Variants in GALNT18 observed in about 807,000 individuals in gnomAD.
GALNT18 encodes the protein polypeptide N-acetylgalactosaminyltransferase 18.
GALNT18 carries 44 observed loss-of-function variants against 69.5 expected under a neutral mutation model. The ratio of observed to expected loss-of-function variants is 0.63; its 90% CI spans 0.50 to 0.81. The LOEUF (loss-of-function observed/expected upper bound fraction) is 0.81. Ranked by LOEUF, GALNT18 falls within the 40% of genes least tolerant of loss-of-function variation. The pLI is 0.00. For synonymous variants in GALNT18, 364 were observed against 318.2 expected (o/e 1.14, Z -1.53); for missense variants, 715 against 810.0 (o/e 0.88, Z 1.42).
chr11:11,539,394 C>T (rs1660380102), intron 1 of GALNT18, among the ~76,000 whole-genome samples: 1 of 152,198 alleles, frequency 6.6e-6, no homozygotes, highest in African/African-American at 2.4e-5. Context: ...AGCCCAGAGG[C>T]CTCTCCTGAA....
chr11:11,425,418 G>C (rs1284668093), intron 3 of GALNT18, among the ~76,000 whole-genome samples: 2 of 152,220 alleles, frequency 1.3e-5, no homozygotes, highest in Non-Finnish European at 1.5e-5. Context: ...TGCCAACCCA[G>C]AGCAGACAGA....
chr11:11,448,677 C>T, intron 2 of GALNT18, 67 bp downstream of exon 2: 3 of 1,396,334 alleles, frequency 2.1e-6, no homozygotes, highest in Non-Finnish European at 3.0e-6. Context: ...GCTCTGTTCC[C>T]AGCACTCTGG....
chr11:11,543,908 C>T lies in GALNT18; in HGVS notation c.235+77451G>A, dbSNP rs1194126812. ...AGGAAAGGCCTTTCCTAAGTGACTTCCTCACTCCAGGCCCAAGCCAAGAAA... is the reference window on the plus strand; with the variant it reads ...AGGAAAGGCCTTTCCTAAGTGACTTTCTCACTCCAGGCCCAAGCCAAGAAA... On this transcript the variant is annotated intron_variant, in intron 1 of 10. Coordinates refer to ENST00000227756, the MANE Select transcript of GALNT18 (RefSeq NM_198516.3). This position sits in a 1 kb window ranked among gnomAD's most constrained non-coding sequence, Gnocchi z 5.1. 6.6e-6 allele frequency among the ~76,000 whole-genome samples: 1 copy of T among 152,222 alleles called. No individual in the cohort carries two copies. Among genetic ancestry groups the T allele is most frequent in the African/African-American group, 2.4e-5 (1 of 41,462 alleles).
rs1854837510 is a variant in GALNT18, at chr11:11,415,652, TC to T, written c.595+16968del. 6.6e-6 allele frequency among the ~76,000 whole-genome samples: 1 copy of T among 152,074 alleles called. No homozygotes were observed. Among genetic ancestry groups the T allele is most frequent in the Admixed American group, 6.5e-5 (1 of 15,270 alleles). On this transcript the variant is annotated intron_variant, in intron 3 of 10. Transcript: ENST00000227756. This position sits in a 1 kb window ranked among gnomAD's most constrained non-coding sequence, Gnocchi z 4.1. ...TCAGCTCCTATGGTTCTCAATCCCT[TC>T]ATCTAAAGTGGGCATAAAAACCCTA...
chr11:11,275,882 A>G (rs1414441016), intron 10 of GALNT18, among the ~76,000 whole-genome samples: 1 of 152,084 alleles, frequency 6.6e-6, no homozygotes, highest in African/African-American at 2.4e-5. Context: ...GTTCTGTTCC[A>G]TTGGTCTATC....
At chr11:11,502,848 C>A (rs1273967420) in intron 1 of GALNT18, among the ~76,000 whole-genome samples, 1 of 152,158 alleles carries the variant, frequency 6.6e-6, no homozygotes, top group Admixed American at 6.5e-5. Context: ...CAGCTCCAGT[C>A]CTTAACGCTC....
At chr11:11,398,515 CA>C (rs1030819206) in intron 3 of GALNT18, among the ~76,000 whole-genome samples, 2 of 152,144 alleles carry the variant, frequency 1.3e-5, no homozygotes, top group African/African-American at 4.8e-5. Flanking sequence ...GGTAAGTCAC[CA>C]GCTCATAAGT....
intron 6 of GALNT18, among the ~76,000 whole-genome samples, chr11:11,358,064 C>T (rs964021251): frequency 6.7e-6 from 1 of 148,452 alleles, no homozygotes; most frequent in Admixed American, 6.7e-5. Flanking sequence ...TGGGATCACA[C>T]TGTCCCTGCC....
chr11:11,412,808 T>C (rs2133759743), intron 3 of GALNT18, among the ~76,000 whole-genome samples: 1 of 152,302 alleles, frequency 6.6e-6, no homozygotes, highest in South Asian at 2.1e-4. Context: ...TCACCACATT[T>C]AATTATCAGA....
In GALNT18 at chr11:11,532,415, G is replaced by A. The variant is rs187656461; in HGVS notation, c.236-83479C>T. On this transcript the variant is annotated intron_variant, in intron 1 of 10. Transcript: ENST00000227756. ...ACACAGCTAATGAGCAGTGAGAGGC[G>A]TTCAGCCACAGGTGAGTCCAAGCCC... Among the ~76,000 whole-genome samples the A allele has an allele frequency of 1.3e-4, 20 of 152,318 alleles. 1 individual carries two copies. In the East Asian group the frequency reaches 2.7e-3, roughly 21 times the overall value.
In GALNT18 at chr11:11,339,340, A is replaced by G. The variant is rs2133055181; in HGVS notation, c.1278+1479T>C. 6.6e-6 allele frequency among the ~76,000 whole-genome samples: 1 copy of G among 152,214 alleles called. No homozygotes were observed. Among genetic ancestry groups the G allele is most frequent in the Admixed American group, 6.5e-5 (1 of 15,292 alleles). On this transcript the variant is annotated intron_variant, in intron 7 of 10. Transcript: ENST00000227756. The surrounding 1 kb of genome is among the most constrained non-coding windows in gnomAD (Gnocchi z 5.2). ...TCACTCACTCAGTTCTCTACCATTC[A>G]TTGGGTTGCTGGGCATTTCAACACC... is the stretch of plus-strand genomic sequence containing the variant.
At chr11:11,475,405 A>G (rs893678658) in intron 1 of GALNT18, 2 of 152,196 alleles carry the variant, frequency 1.3e-5, no homozygotes, top group African/African-American at 4.8e-5. Context: ...TGCTCAGTGG[A>G]AAATAATCAT....
intron 9 of GALNT18, among the ~76,000 whole-genome samples, chr11:11,306,775 C>T (rs1288700043): frequency 6.6e-6 from 1 of 152,240 alleles, no homozygotes; most frequent in Non-Finnish European, 1.5e-5. Context: ...TTCCCATCCT[C>T]GCATACAAAC....
chr11:11,284,919 T>TTTTTTG (rs1849163285), intron 10 of GALNT18, among the ~76,000 whole-genome samples: 1 of 147,258 alleles, frequency 6.8e-6, no homozygotes, highest in African/African-American at 2.6e-5. Context: ...TTTTTTTTTT[T>TTTTTTG]TTTTTTTTTT....
intron 9 of GALNT18, among the ~76,000 whole-genome samples, chr11:11,317,815 A>T (rs1849782942): frequency 6.6e-6 from 1 of 152,200 alleles, no homozygotes; most frequent in Non-Finnish European, 1.5e-5. Flanking sequence ...AAATATGAGG[A>T]CTTCATAAAA....
At chr11:11,311,671 A>G (rs963505034) in intron 9 of GALNT18, among the ~76,000 whole-genome samples, 1 of 152,156 alleles carries the variant, frequency 6.6e-6, no homozygotes, top group Admixed American at 6.5e-5. Flanking sequence ...ATCATTAAGA[A>G]AGATAACCAG....
rs760588452 is a variant in GALNT18, at chr11:11,496,208, G to C, written c.236-47272C>G. On this transcript the variant is annotated intron_variant, in intron 1 of 10. Coordinates refer to ENST00000227756, the MANE Select transcript of GALNT18 (RefSeq NM_198516.3). The surrounding 1 kb of genome is among the most constrained non-coding windows in gnomAD (Gnocchi z 4.0). ...TCCACTAACTTAAAGGGCTGGTTTA[G>C]AATATAGCAATAGAGTTTTGATGAT... 6.6e-6 allele frequency among the ~76,000 whole-genome samples: 1 copy of C among 152,236 alleles called. No individual in the cohort carries two copies. Among genetic ancestry groups the C allele is most frequent in the Non-Finnish European group, 1.5e-5 (1 of 68,044 alleles).
chr11:11,436,535 C>T lies in GALNT18; in HGVS notation c.429-3748G>A, dbSNP rs923233925. 2.0e-5 allele frequency among the ~76,000 whole-genome samples: 3 copies of T among 152,108 alleles called. No homozygotes were observed. Among genetic ancestry groups the T allele is most frequent in the African/African-American group, 7.2e-5 (3 of 41,392 alleles). On this transcript the variant is annotated intron_variant, in intron 2 of 10. Transcript: ENST00000227756. This position sits in a 1 kb window ranked among gnomAD's most constrained non-coding sequence, Gnocchi z 4.5. The stretch of plus-strand genomic sequence containing the variant: ...CTGGCCTTGCTCACAGCCTCCTGCC[C>T]ACTGCCTCACACCATGATGCAAGCA...
chr11:11,558,136 TA>T (rs1211699709), intron 1 of GALNT18, among the ~76,000 whole-genome samples: 43 of 152,164 alleles, frequency 2.8e-4, no homozygotes, highest in Admixed American at 2.8e-3. Context: ...GTTTAGAAAA[TA>T]CCATCGCCCC....
Sources: allele counts gnomAD v4.1 joint callset (sites outside exome capture counted in the v4.1 genomes callset), GRCh38; gene constraint gnomAD v4.1.1; non-coding constraint Gnocchi (gnomAD v3.1); transcripts MANE v1.5; gene names NCBI Gene and HGNC (gene_info 2026-07-23, HGNC 2026-07-21).